ACOXL: variants seen among roughly 807,000 people sequenced by gnomAD.
The protein encoded by ACOXL is acyl-CoA oxidase like.
Under a neutral mutation model 71.9 loss-of-function variants are expected in ACOXL, and 70 were observed. The observed-to-expected ratio is 0.97, with a 90% CI of 0.80 to 1.19. ACOXL has a LOEUF of 1.19. Among genes scored for constraint, ACOXL ranks in the 50% most tolerant of loss-of-function variants. ACOXL has a pLI of 0.00. For synonymous variants in ACOXL, 253 were observed against 281.6 expected (o/e 0.90, Z 1.02); for missense variants, 703 against 736.3 (o/e 0.95, Z 0.52).
chr2:110,843,431 CAT>C (rs1400793865), intron 10 of ACOXL, among the ~76,000 whole-genome samples: 4 of 152,206 alleles, frequency 2.6e-5, no homozygotes, highest in African/African-American at 9.6e-5. Flanking sequence ...AGGCTGATAA[CAT>C]GGGTCTCTCA....
intron 16 of ACOXL, among the ~76,000 whole-genome samples, chr2:111,054,731 A>T (rs1025380242): frequency 1.3e-5 from 2 of 152,174 alleles, no homozygotes; most frequent in Non-Finnish European, 2.9e-5. Context: ...AAGAAGTCAG[A>T]CACATTTGAA....
At chr2:110,815,047 T>C (rs1490477406) in intron 9 of ACOXL, among the ~76,000 whole-genome samples, 1 of 152,220 alleles carries the variant, frequency 6.6e-6, no homozygotes, top group African/African-American at 2.4e-5. Context: ...CTCACAGTTC[T>C]GCAGGGCTGG....
intron 9 of ACOXL, among the ~76,000 whole-genome samples, chr2:110,807,465 T>C (rs1462217468): frequency 6.6e-6 from 1 of 152,208 alleles, no homozygotes; most frequent in Non-Finnish European, 1.5e-5. Flanking sequence ...ATGAAACAAA[T>C]GCTGGGTACC....
At chr2:111,038,033 G>A (rs2065605894) in intron 15 of ACOXL, among the ~76,000 whole-genome samples, 1 of 152,162 alleles carries the variant, frequency 6.6e-6, no homozygotes, top group Admixed American at 6.5e-5. Context: ...AAATAACATG[G>A]GTGGAAGCCC....
At position 111,080,486 on chromosome 2, in the gene ACOXL, G is replaced by A. The variant is rs117876962; in HGVS notation, c.1441-12379G>A. Among the ~76,000 whole-genome samples, 261 of 152,140 alleles carry A rather than the reference G, an allele frequency of 1.7e-3. 12 individuals are homozygous for A. The East Asian group carries it at 0.05, about 29-fold the overall frequency. On this transcript the variant is annotated intron_variant, in intron 16 of 17. Coordinates refer to ENST00000439055, the MANE Select transcript of ACOXL (RefSeq NM_001142807.4). ...AAATTTCATAGTCATTCAGGAGCAG[G>A]TTGTTCAGTTTCCATGTAGTTGTGT...
chr2:111,055,375 T>C (rs1283389814), intron 16 of ACOXL, among the ~76,000 whole-genome samples: 6 of 152,250 alleles, frequency 3.9e-5, no homozygotes, highest in Admixed American at 3.3e-4. Flanking sequence ...TTTCTTCCTT[T>C]TCTCAACCTG....
At chr2:110,818,126 G>C (rs549735160) in intron 9 of ACOXL, among the ~76,000 whole-genome samples, 64 of 152,074 alleles carry the variant, frequency 4.2e-4, no homozygotes, top group African/African-American at 1.4e-3. Flanking sequence ...CGGGTGCAGT[G>C]GGTCATGCCT....
At position 111,039,856 on chromosome 2, in the gene ACOXL, G is replaced by A. The variant is rs955352217; in HGVS notation, c.1369+8142G>A. ...TGTGAGCTAGAAGATTAAAGTGCAC[G>A]AATCATGCAAGTAGGTTAGTCTGGA... On this transcript the variant is annotated intron_variant, in intron 15 of 17. Coordinates refer to ENST00000439055, the MANE Select transcript of ACOXL (RefSeq NM_001142807.4). Among the ~76,000 whole-genome samples, 3 of 152,274 alleles carry A rather than the reference G, an allele frequency of 2.0e-5. No homozygotes were observed. In the South Asian group the frequency reaches 6.2e-4, roughly 32 times the overall value.
intron 17 of ACOXL, among the ~76,000 whole-genome samples, chr2:111,110,217 G>T (rs1281884959): frequency 6.6e-6 from 1 of 152,052 alleles, no homozygotes; most frequent in Non-Finnish European, 1.5e-5. Context: ...TAGGGTCAGG[G>T]TCTAGTCATT....
chr2:110,777,716 G>A (rs1221603209), intron 2 of ACOXL, among the ~76,000 whole-genome samples: 2 of 152,176 alleles, frequency 1.3e-5, no homozygotes, highest in Admixed American at 6.5e-5. Flanking sequence ...CCATCAGCGC[G>A]GGCAGCCCTC....
intron 10 of ACOXL, among the ~76,000 whole-genome samples, chr2:110,906,339 A>C (rs1316317547): frequency 6.6e-6 from 1 of 151,850 alleles, no homozygotes; most frequent in African/African-American, 2.4e-5. Flanking sequence ...GGAATTCAAG[A>C]CCAGCCTGGC....
At chr2:110,752,109 C>G (rs1408735976) in intron 1 of ACOXL, among the ~76,000 whole-genome samples, 1 of 151,554 alleles carries the variant, frequency 6.6e-6, no homozygotes, top group African/African-American at 2.4e-5. Flanking sequence ...ACTTCAGCCT[C>G]TGCCTCCTGG....
intron 16 of ACOXL, among the ~76,000 whole-genome samples, chr2:111,080,371 C>T (rs2067841187): frequency 6.6e-6 from 1 of 152,096 alleles, no homozygotes; most frequent in East Asian, 1.9e-4. Context: ...TATAAATTTC[C>T]CTCTAACCAC....
chr2:110,942,050 A>G (rs2060886762), intron 12 of ACOXL, among the ~76,000 whole-genome samples: 1 of 151,924 alleles, frequency 6.6e-6, no homozygotes, highest in Admixed American at 6.6e-5. Flanking sequence ...GAGAGAAGAA[A>G]AGAAAGTACA....
intron 3 of ACOXL, among the ~76,000 whole-genome samples, chr2:110,785,186 T>G (rs1683797457): frequency 6.6e-6 from 1 of 152,220 alleles, no homozygotes; most frequent in African/African-American, 2.4e-5. Flanking sequence ...AAAAACCTTT[T>G]CATTTTGAAA....
chr2:111,045,303 A>G (rs1299790555), intron 15 of ACOXL, among the ~76,000 whole-genome samples: 4 of 152,222 alleles, frequency 2.6e-5, no homozygotes, highest in Non-Finnish European at 4.4e-5. Context: ...CCTATTTAAA[A>G]GTTGGGGAGG....
intron 16 of ACOXL, among the ~76,000 whole-genome samples, chr2:111,064,384 C>G (rs898778297): frequency 1.4e-5 from 2 of 140,824 alleles, no homozygotes; most frequent in African/African-American, 2.7e-5. Context: ...TGCAGTGAGC[C>G]GAGATTGCGC....
At chr2:110,954,461 T>G (rs926562397) in intron 12 of ACOXL, among the ~76,000 whole-genome samples, 4 of 152,182 alleles carry the variant, frequency 2.6e-5, no homozygotes, top group Non-Finnish European at 5.9e-5. Context: ...CCTTTTCCAT[T>G]TTTCCCTTTT....
intron 16 of ACOXL, among the ~76,000 whole-genome samples, chr2:111,086,898 A>G (rs1176785912): frequency 6.6e-6 from 1 of 152,194 alleles, no homozygotes; most frequent in African/African-American, 2.4e-5. Flanking sequence ...CTATGTCTAG[A>G]AAAACCCTAT....
Sources: gnomAD v4.1 joint callset for allele counts (sites outside exome capture counted in the v4.1 genomes callset) on GRCh38, gnomAD v4.1.1 for gene constraint, MANE v1.5 for transcripts, NCBI Gene and HGNC (gene_info 2026-07-23, HGNC 2026-07-21) for gene names.